GRIP1: variants seen among roughly 807,000 people sequenced by gnomAD.
GRIP1 encodes the protein glutamate receptor-interacting protein 1.
In GRIP1, 45 loss-of-function variants were observed where a neutral mutation model predicts 129.9. The observed-to-expected ratio is 0.35, with a 90% CI of 0.27 to 0.44. The LOEUF (loss-of-function observed/expected upper bound fraction) is 0.44. Among genes scored for constraint, GRIP1 ranks in the 20% least tolerant of loss-of-function variants. GRIP1 has a pLI of 1.00. For synonymous variants in GRIP1, 530 were observed against 520.8 expected (o/e 1.02, Z -0.24); for missense variants, 1,196 against 1,396.8 (o/e 0.86, Z 2.29).
chr12:66,559,741 A>G (rs1034756810), intron 2 of GRIP1, among the ~76,000 whole-genome samples: 1 of 152,134 alleles, frequency 6.6e-6, no homozygotes, highest in Non-Finnish European at 1.5e-5. Context: ...ACGATGTCAT[A>G]CTACGGAAAG....
chr12:66,682,790 TC>T (rs1372888895), upstream of GRIP1, among the ~76,000 whole-genome samples: 4 of 152,174 alleles, frequency 2.6e-5, no homozygotes, highest in African/African-American at 7.2e-5. Flanking sequence ...ATGAGGTTAA[TC>T]CCACAAATAC....
upstream of GRIP1, among the ~76,000 whole-genome samples, chr12:66,683,126 T>C (rs2034649440): frequency 6.6e-6 from 1 of 152,086 alleles, no homozygotes; most frequent in Non-Finnish European, 1.5e-5. Context: ...TAAAACTCAG[T>C]GTTCTCGGAG....
intron 15 of GRIP1, among the ~76,000 whole-genome samples, chr12:66,407,969 A>G (rs1362303988): frequency 6.6e-6 from 1 of 152,150 alleles, no homozygotes; most frequent in Non-Finnish European, 1.5e-5. Flanking sequence ...AAGAGGGGAG[A>G]GTAAAGAAGA....
intron 8 of GRIP1, among the ~76,000 whole-genome samples, chr12:66,464,918 A>G (rs1422613691): frequency 7.2e-6 from 1 of 139,656 alleles, no homozygotes; most frequent in Non-Finnish European, 1.5e-5. Context: ...CACACATGCA[A>G]TTTTGTAAAG....
intron 1 of GRIP1, among the ~76,000 whole-genome samples, chr12:66,890,272 G>A (rs1235636597): frequency 6.6e-6 from 1 of 152,120 alleles, no homozygotes; most frequent in Non-Finnish European, 1.5e-5. Flanking sequence ...CCATTTGGTG[G>A]CAAAGTAAAT....
intron 1 of GRIP1, among the ~76,000 whole-genome samples, chr12:66,784,837 C>A (rs2136810271): frequency 6.6e-6 from 1 of 152,106 alleles, no homozygotes; most frequent in East Asian, 1.9e-4. Context: ...AGAATAGACA[C>A]CTTCTGTTCT....
At chr12:66,468,547 A>T (rs940420314) in intron 7 of GRIP1, among the ~76,000 whole-genome samples, 1 of 152,196 alleles carries the variant, frequency 6.6e-6, no homozygotes, top group African/African-American at 2.4e-5. Flanking sequence ...ATAAAACTAC[A>T]ACCAACCATT....
intron 2 of GRIP1, among the ~76,000 whole-genome samples, chr12:66,595,093 A>T (rs569148155): frequency 1.3e-5 from 2 of 152,318 alleles, no homozygotes; most frequent in South Asian, 4.1e-4. Flanking sequence ...GAACACTCCT[A>T]ATATCTCTGG....
intron 1 of GRIP1, among the ~76,000 whole-genome samples, chr12:67,031,004 C>T (rs372605593): frequency 7.2e-5 from 11 of 151,882 alleles, no homozygotes; most frequent in African/African-American, 2.4e-4. Flanking sequence ...CATATATAAC[C>T]GCTCACCTCA....
chr12:66,783,969 C>A (rs927998248), intron 1 of GRIP1, among the ~76,000 whole-genome samples: 1 of 152,088 alleles, frequency 6.6e-6, no homozygotes, highest in Non-Finnish European at 1.5e-5. Context: ...TCAATTCATT[C>A]ATATTGTAAG....
upstream of GRIP1, among the ~76,000 whole-genome samples, chr12:66,808,360 C>T (rs957160067): frequency 6.6e-5 from 10 of 152,062 alleles, 1 homozygote; most frequent in South Asian, 4.1e-4. Flanking sequence ...TGCAGTAGCA[C>T]GATCTCGGCT....
intron 7 of GRIP1, among the ~76,000 whole-genome samples, chr12:66,504,738 T>C (rs555770054): frequency 5.3e-4 from 80 of 152,324 alleles, no homozygotes; most frequent in African/African-American, 1.9e-3. Flanking sequence ...TGTGATACTT[T>C]ATCATTTATT....
intron 1 of GRIP1, among the ~76,000 whole-genome samples, chr12:67,038,713 T>G (rs1032050663): frequency 2.6e-5 from 4 of 152,322 alleles, no homozygotes; most frequent in Middle Eastern, 3.4e-3. Context: ...TCCAGAAATT[T>G]TATCACTCAG....
intron 1 of GRIP1, among the ~76,000 whole-genome samples, chr12:66,790,620 A>G (rs1020874458): frequency 2.6e-5 from 4 of 152,210 alleles, no homozygotes; most frequent in Non-Finnish European, 5.9e-5. Flanking sequence ...GGAATGAGAA[A>G]TGAATTCAAG....
chr12:66,731,811 T>C (rs1393444226), intron 1 of GRIP1, among the ~76,000 whole-genome samples: 1 of 152,214 alleles, frequency 6.6e-6, no homozygotes, highest in Non-Finnish European at 1.5e-5. Context: ...GAGAGAATTC[T>C]TCATGGCAGA....
intron 7 of GRIP1, among the ~76,000 whole-genome samples, chr12:66,475,027 G>A (rs980113488): frequency 4.6e-5 from 7 of 152,130 alleles, no homozygotes; most frequent in Admixed American, 1.3e-4. Context: ...AAAAGACACA[G>A]ACTGGCAAAT....
At chr12:66,592,547 G>A (rs1016049097) in intron 2 of GRIP1, among the ~76,000 whole-genome samples, 2 of 152,126 alleles carry the variant, frequency 1.3e-5, no homozygotes, top group African/African-American at 4.8e-5. Flanking sequence ...ACATCTTCCT[G>A]CATTTGTCAA....
chr12:66,455,493 TC>T lies in GRIP1; in HGVS notation c.1269del (p.Thr424LeufsTer15). The T allele has an allele frequency of 6.2e-7, 1 of 1,613,488 alleles. No homozygotes were observed. The highest frequency in any genetic ancestry group is 8.5e-7 in the Non-Finnish European group (1 of 1,179,558). On this transcript the variant is annotated frameshift_variant, in exon 11 of 25. Coordinates refer to ENST00000359742, the MANE Select transcript of GRIP1 (RefSeq NM_001366722.1). LOFTEE classifies it high-confidence loss of function. ...SAYSLSSLNMGTLPRSLYSTS... is the reference protein window; with the variant it reads ...SAYSLSSLNMXTLPRSLYSTS... The stretch of plus-strand genomic sequence containing the variant: ...GTGGAGTAGAGGCTTCGAGGTAGAG[TC>T]CCCATGTTCAGGGAACTCAGGCTGT...
At chr12:66,815,651 C>G (rs1010815703) in intron 1 of GRIP1, among the ~76,000 whole-genome samples, 2 of 151,988 alleles carry the variant, frequency 1.3e-5, no homozygotes, top group African/African-American at 4.8e-5. Context: ...GTGGTTCTAG[C>G]TACTTGGGAG....
Sources: gnomAD v4.1 joint callset for allele counts (sites outside exome capture counted in the v4.1 genomes callset) on GRCh38, gnomAD v4.1.1 for gene constraint, MANE v1.5 for transcripts, NCBI Gene and HGNC (gene_info 2026-07-23, HGNC 2026-07-21) for gene names.